The following HPS3 variants were observed in gnomAD, a reference collection of about 807,000 sequenced individuals.
The protein encoded by HPS3 is BLOC-2 complex member HPS3.
In HPS3, 79 loss-of-function variants were observed where a neutral mutation model predicts 110.9. The observed-to-expected ratio is 0.71, with a 90% CI of 0.59 to 0.86. The LOEUF (loss-of-function observed/expected upper bound fraction) is 0.86, where lower values mean the gene tolerates loss of function less well. Among genes scored for constraint, HPS3 ranks in the 40% least tolerant of loss-of-function variants. The pLI is 0.00. For synonymous variants in HPS3, 428 were observed against 451.0 expected (o/e 0.95, Z 0.65); for missense variants, 1,197 against 1,206.2 (o/e 0.99, Z 0.11).
chr3:149,165,787 A>G (rs1724354441), intron 14 of HPS3, among the ~76,000 whole-genome samples: 1 of 152,144 alleles, frequency 6.6e-6, no homozygotes, highest in Admixed American at 6.5e-5. Context: ...CATTATCTGG[A>G]TTAGTCAAGA....
At chr3:149,165,009 CTCAGCCT>C (rs1559925354) in intron 14 of HPS3, among the ~76,000 whole-genome samples, 1 of 152,204 alleles carries the variant, frequency 6.6e-6, no homozygotes, top group Admixed American at 6.5e-5. Flanking sequence ...ATTGCTTAGA[CTCAGCCT>C]TCAGGTGGGG....
chr3:149,149,435 C>T (rs1304218008), intron 5 of HPS3, among the ~76,000 whole-genome samples: 1 of 152,042 alleles, frequency 6.6e-6, no homozygotes, highest in Non-Finnish European at 1.5e-5. Flanking sequence ...GTGCTACTGT[C>T]CTAGTTATTG....
At position 149,150,697 on chromosome 3, in the gene HPS3, G is replaced by T. The variant is rs746278476; in HGVS notation, c.1245+17G>T. On this transcript the variant is annotated intron_variant, in intron 6 of 16. Transcript: ENST00000296051. ...ACCCTGAAGGTAAGAACTGGCTTAT[G>T]AAGATAGTGAAACCTTAAGATCACA... is the stretch of plus-strand genomic sequence containing the variant. 1.9e-6 allele frequency: 3 copies of T among 1,584,848 alleles called. No homozygotes were observed. The East Asian group carries it at 6.7e-5, about 35-fold the overall frequency.
At chr3:149,154,139 C>T (rs1723299024) in intron 7 of HPS3, 1 of 155,710 alleles carries the variant, frequency 6.4e-6, no homozygotes, top group Admixed American at 6.4e-5. Context: ...TGATAACATT[C>T]ATCTCTTGTT....
intron 4 of HPS3, among the ~76,000 whole-genome samples, chr3:149,144,214 GAAAAA>G (rs59146279): frequency 0.027 from 3,350 of 123,620 alleles, 144 homozygotes; most frequent in African/African-American, 0.093. Context: ...GTCTCTACTA[GAAAAA>G]AAAAAAAAAA....
intron 16 of HPS3, chr3:149,168,289 T>C (rs1198996417): frequency 3.1e-6 from 1 of 325,170 alleles, no homozygotes; most frequent in East Asian, 7.1e-5. Context: ...TTACATCTTT[T>C]ATCAATGATC....
intron 1 of HPS3, among the ~76,000 whole-genome samples, chr3:149,138,946 T>C (rs1722277575): frequency 6.6e-6 from 1 of 152,228 alleles, no homozygotes; most frequent in African/African-American, 2.4e-5. Flanking sequence ...TATTATCTAA[T>C]TGATAGTAAT....
chr3:149,148,739 T>C (rs972218594), intron 5 of HPS3, among the ~76,000 whole-genome samples: 2 of 151,882 alleles, frequency 1.3e-5, no homozygotes, highest in African/African-American at 4.8e-5. Context: ...TTACAATGCA[T>C]GTACTACTAT....
chr3:149,137,287 C>T (rs1319917520), intron 1 of HPS3, among the ~76,000 whole-genome samples: 2 of 152,166 alleles, frequency 1.3e-5, no homozygotes, highest in Non-Finnish European at 2.9e-5. Context: ...GCACCTCACA[C>T]CCATTAGTAT....
Position 149,160,101 on chromosome 3 carries a change from C to G in HPS3, c.1928C>G (p.Pro643Arg), listed in dbSNP as rs751796775. 2 of 1,613,920 alleles carry G rather than the reference C, an allele frequency of 1.2e-6. No individual in the cohort carries two copies. The highest frequency in any genetic ancestry group is 1.7e-5 in the Admixed American group (1 of 59,978). ...MFYVAEPKQV[P>R]HILCSPSMKN... ...TATGTGGCTGAGCCAAAGCAAGTGC[C>G]CCATATTCTCTGTAGTCCTTCTATG... The change falls in exon 11 of 17, where the codon CCC (proline) becomes CGC (arginine). Residue 643 changes from proline (P) to arginine (R), a missense_variant. Coordinates refer to ENST00000296051, the MANE Select transcript of HPS3 (RefSeq NM_032383.5).
chr3:149,152,069 A>C lies in HPS3; in HGVS notation c.1245+1389A>C, dbSNP rs573403451. 1.4e-4 allele frequency among the ~76,000 whole-genome samples: 21 copies of C among 152,300 alleles called. No homozygotes were observed. In the South Asian group the frequency reaches 1.7e-3, roughly 12 times the overall value. ...TGGTTTTCTGTTGCTGACCAGGCTT[A>C]CTGCCTGCTGTCAGCCTCTTGGGAA... On this transcript the variant is annotated intron_variant, in intron 6 of 16. Coordinates refer to ENST00000296051, the MANE Select transcript of HPS3 (RefSeq NM_032383.5).
chr3:149,160,342 T>G (rs1225691493), intron 11 of HPS3, 63 bp downstream of exon 11: 4 of 1,078,796 alleles, frequency 3.7e-6, no homozygotes, highest in Non-Finnish European at 5.7e-6. Context: ...CTGAAGTGTT[T>G]AGCTGTCTTC....
intron 10 of HPS3, among the ~76,000 whole-genome samples, chr3:149,159,651 T>C (rs1401591415): frequency 6.6e-6 from 1 of 152,242 alleles, no homozygotes; most frequent in Non-Finnish European, 1.5e-5. Flanking sequence ...TATCAAATGT[T>C]TTAAGGTTTT....
At chr3:149,148,372 A>G (rs11716374) in intron 5 of HPS3, among the ~76,000 whole-genome samples, 39,629 of 143,354 alleles carry the variant, frequency 0.28, 5,903 homozygotes, top group African/African-American at 0.42. Flanking sequence ...ATGAAATCCT[A>G]TTCTCCCAGA....
At chr3:149,165,119 G>A (rs180739506) in intron 14 of HPS3, among the ~76,000 whole-genome samples, 1 of 152,198 alleles carries the variant, frequency 6.6e-6, no homozygotes, top group East Asian at 1.9e-4. Flanking sequence ...GTACTATTGT[G>A]ATACAAAGGC....
chr3:149,172,824 T>A lies in HPS3; in HGVS notation c.*602T>A, dbSNP rs1725137421. The A allele has an allele frequency of 6.5e-6, 1 of 152,838 alleles. No individual in the cohort carries two copies. The highest frequency in any genetic ancestry group is 1.5e-5 in the Non-Finnish European group (1 of 68,184). 9.5% of individuals were successfully genotyped at this position (152,838 alleles called of 1,614,324 possible). On this transcript the variant is annotated 3_prime_UTR_variant, in exon 17 of 17. Coordinates refer to ENST00000296051, the MANE Select transcript of HPS3 (RefSeq NM_032383.5). ...GAAGTTTACAAAGCTAACTTTCTTCTTGTCTAGCTATTAACATGATTTGTC... is the reference window on the plus strand; with the variant it reads ...GAAGTTTACAAAGCTAACTTTCTTCATGTCTAGCTATTAACATGATTTGTC...
chr3:149,145,613 A>G (rs1349234582), intron 5 of HPS3, 67 bp downstream of exon 5: 18 of 1,160,780 alleles, frequency 1.6e-5, no homozygotes, highest in Non-Finnish European at 2.1e-5. Flanking sequence ...GTACTTCCTA[A>G]ATCTGTGAGA....
chr3:149,160,781 A>T, intron 11 of HPS3, among the ~76,000 whole-genome samples: 1 of 152,078 alleles, frequency 6.6e-6, no homozygotes, highest in Admixed American at 6.5e-5. Context: ...ATTTAGGGAC[A>T]CTACCAAAGG....
At chr3:149,145,861 T>C (rs1722757599) in intron 5 of HPS3, among the ~76,000 whole-genome samples, 1 of 152,210 alleles carries the variant, frequency 6.6e-6, no homozygotes, top group Non-Finnish European at 1.5e-5. Flanking sequence ...AGCGTCTCTT[T>C]AAGTTTCTTT....
Sources: gnomAD v4.1 joint callset for allele counts (sites outside exome capture counted in the v4.1 genomes callset) on GRCh38, gnomAD v4.1.1 for gene constraint, MANE v1.5 for transcripts, NCBI Gene and HGNC (gene_info 2026-07-23, HGNC 2026-07-21) for gene names.